Variants in RNF17 observed in about 807,000 individuals in gnomAD.
The protein encoded by RNF17 is ring finger protein 17.
A neutral mutation model predicts 200.5 loss-of-function variants in RNF17; 31 were observed. The observed-to-expected ratio is 0.15, with a 90% confidence interval of 0.12 to 0.21. RNF17 has a LOEUF of 0.21. Among genes scored for constraint, RNF17 ranks in the 10% least tolerant of loss-of-function variants. The probability of loss-of-function intolerance (pLI) is 1.00; values close to 1 mark genes in which losing one functional copy is unlikely to be tolerated. For missense variants in RNF17, 1,628 were observed against 1,905.1 expected (o/e 0.85, Z 2.71); for synonymous variants, 606 against 637.8 (o/e 0.95, Z 0.75).
At chr13:24,886,476 A>G in the RNF17 span, 2 of 602,840 alleles carry the variant, frequency 3.3e-6, no homozygotes, top group South Asian at 3.0e-5. Flanking sequence ...ATATGATTCA[A>G]TGTAACTAAT....
intron 2 of RNF17, among the ~76,000 whole-genome samples, chr13:24,774,492 G>A (rs1271958719): frequency 6.6e-6 from 1 of 152,246 alleles, no homozygotes; most frequent in Non-Finnish European, 1.5e-5. Flanking sequence ...TTACGGGCGT[G>A]AGCCCTCATT....
chr13:24,865,249 A>G (rs1893497811), intron 29 of RNF17, among the ~76,000 whole-genome samples: 1 of 152,222 alleles, frequency 6.6e-6, no homozygotes, highest in African/African-American at 2.4e-5. Flanking sequence ...TGCGATGCCC[A>G]TGCTATTCAG....
chr13:24,882,765 G>A (rs1304112027), downstream of RNF17: 2 of 186,470 alleles, frequency 1.1e-5, no homozygotes, highest in Non-Finnish European at 2.2e-5. Context: ...TAATATTTTG[G>A]CTACAGAGAC....
In RNF17 at chr13:24,844,842, G is replaced by A. The variant is rs377176177; in HGVS notation, c.2982+40G>A. On this transcript the variant is annotated intron_variant, in intron 21 of 35. Coordinates refer to ENST00000255324, the MANE Select transcript of RNF17 (RefSeq NM_031277.3). ...TAAAAGTGTAATTGTGAAGGTGAAT[G>A]AATGCATTTTGTATTTTTTTCCCTG... is the stretch of plus-strand genomic sequence containing the variant. 4.4e-6 allele frequency: 7 copies of A among 1,592,320 alleles called. No individual in the cohort carries two copies. In the African/African-American group the frequency reaches 8.1e-5, roughly 18 times the overall value.
In RNF17 at chr13:24,800,362, C is replaced by A. The variant is rs1214408449; in HGVS notation, c.1590-4C>A. Reference sequence around the variant, plus strand: ...TCAATAAATATTACTTGAATTTCTCCTAGAGTTGTTGATACCCATGTGAGA... The same window carrying A: ...TCAATAAATATTACTTGAATTTCTCATAGAGTTGTTGATACCCATGTGAGA... On this transcript the variant is annotated splice_region_variant and splice_polypyrimidine_tract_variant and intron_variant, in intron 12 of 35. Coordinates refer to ENST00000255324, the MANE Select transcript of RNF17 (RefSeq NM_031277.3). 2.6e-6 allele frequency: 4 copies of A among 1,550,698 alleles called. No homozygotes were observed. Among genetic ancestry groups the A allele is most frequent in the Non-Finnish European group, 3.5e-6 (4 of 1,139,978 alleles).
chr13:24,884,011 C>T, downstream of RNF17: 1 of 1,613,994 alleles, frequency 6.2e-7, no homozygotes, highest in Non-Finnish European at 8.5e-7. Flanking sequence ...TTCTTCTTGT[C>T]CATCAGGAAA....
chr13:24,841,554 A>G (rs74042520), intron 18 of RNF17, among the ~76,000 whole-genome samples: 6,828 of 152,278 alleles, frequency 0.045, 484 homozygotes, highest in African/African-American at 0.15. Flanking sequence ...GACAACACTG[A>G]CCATTTATAT....
chr13:24,843,649 C>A, intron 19 of RNF17, 95 bp from the exon 20 acceptor site: 3 of 707,880 alleles, frequency 4.2e-6, no homozygotes, highest in South Asian at 1.7e-5. Context: ...ACAAAATAGT[C>A]ATATAAGTAT....
At chr13:24,755,687 T>G in the RNF17 span, among the ~76,000 whole-genome samples, 1 of 152,202 alleles carries the variant, frequency 6.6e-6, no homozygotes, top group Non-Finnish European at 1.5e-5. Context: ...TGAAATTATC[T>G]GCCTAGACTT....
At chr13:24,839,702 C>G (rs534797645) in intron 18 of RNF17, among the ~76,000 whole-genome samples, 1 of 152,098 alleles carries the variant, frequency 6.6e-6, no homozygotes, top group Non-Finnish European at 1.5e-5. Context: ...AAACTGGATC[C>G]GCATCTCTTA....
At chr13:24,848,620 G>A (rs976129723) in intron 22 of RNF17, among the ~76,000 whole-genome samples, 76 of 152,138 alleles carry the variant, frequency 5.0e-4, no homozygotes, top group African/African-American at 1.8e-3. Context: ...CCAAGATTGC[G>A]CCACTGCACT....
At position 24,778,910 on chromosome 13, in the gene RNF17, C is replaced by T. The variant is rs1265203446; in HGVS notation, c.429+504C>T. On this transcript the variant is annotated intron_variant, in intron 4 of 35. Coordinates refer to ENST00000255324, the MANE Select transcript of RNF17 (RefSeq NM_031277.3). ...TTGTGTTAAGATCATTAATGGAGGCCACGTGCAGTGGCTCCTGCCTATAAT... is the reference window on the plus strand; with the variant it reads ...TTGTGTTAAGATCATTAATGGAGGCTACGTGCAGTGGCTCCTGCCTATAAT... Among the ~76,000 whole-genome samples the T allele has an allele frequency of 1.2e-4, 19 of 152,092 alleles. 1 individual carries two copies. Among genetic ancestry groups the T allele is most frequent in the Admixed American group, 1.2e-3 (19 of 15,264 alleles).
At chr13:24,749,015 A>G in the RNF17 span, among the ~76,000 whole-genome samples, 3 of 152,196 alleles carry the variant, frequency 2.0e-5, no homozygotes, top group Non-Finnish European at 2.9e-5. Flanking sequence ...TGGCCTCCCA[A>G]AGTGCTGGGA....
At chr13:24,869,670 G>A (rs367640523) in intron 31 of RNF17, among the ~76,000 whole-genome samples, 28 of 152,276 alleles carry the variant, frequency 1.8e-4, no homozygotes, top group African/African-American at 6.3e-4. Flanking sequence ...GCTTCCTGGC[G>A]CATGAAATCC....
intron 3 of RNF17, among the ~76,000 whole-genome samples, chr13:24,777,237 G>C (rs1284558610): frequency 6.6e-6 from 1 of 152,180 alleles, no homozygotes; most frequent in South Asian, 2.1e-4. Flanking sequence ...ACTTTTCAAA[G>C]AATAGAATGT....
intron 34 of RNF17, among the ~76,000 whole-genome samples, chr13:24,877,917 GCA>G (rs1468563371): frequency 1.3e-5 from 2 of 152,282 alleles, no homozygotes; most frequent in East Asian, 1.9e-4. Context: ...GTTTTATTTA[GCA>G]CACAGTGTTT....
chr13:24,781,534 G>T (rs1277135210), intron 5 of RNF17, among the ~76,000 whole-genome samples: 1 of 152,096 alleles, frequency 6.6e-6, no homozygotes, highest in Non-Finnish European at 1.5e-5. Flanking sequence ...TACTCAGGAG[G>T]CCAAGGCAGG....
downstream of RNF17, chr13:24,884,506 A>G (rs768802951): frequency 1.2e-6 from 2 of 1,603,372 alleles, no homozygotes; most frequent in Non-Finnish European, 1.7e-6. Context: ...TTTTCTCCTG[A>G]CGAAAGTATG....
chr13:24,800,311 A>G (rs1885092809), intron 12 of RNF17, 55 bp from the exon 13 acceptor site: 5 of 1,306,048 alleles, frequency 3.8e-6, no homozygotes, highest in East Asian at 2.4e-5. Flanking sequence ...GTGGGGGAAA[A>G]CAAATTTAAG....
Sources: gnomAD v4.1 joint callset for allele counts (sites outside exome capture counted in the v4.1 genomes callset) on GRCh38, gnomAD v4.1.1 for gene constraint, MANE v1.5 for transcripts, NCBI Gene and HGNC (gene_info 2026-07-23, HGNC 2026-07-21) for gene names.